PARPBP: variants seen among roughly 807,000 people sequenced by gnomAD.
The protein encoded by PARPBP is PCNA-interacting partner.
In PARPBP, 52 loss-of-function variants were observed where a neutral mutation model predicts 50.0. The observed-to-expected ratio is 1.04, with a 90% confidence interval of 0.83 to 1.31. The LOEUF (loss-of-function observed/expected upper bound fraction) is 1.31. Ranked by LOEUF, PARPBP falls within the 50% of genes most tolerant of loss-of-function variation. The probability of loss-of-function intolerance (pLI) is 0.00; values close to 1 mark genes in which losing one functional copy is unlikely to be tolerated. For synonymous variants in PARPBP, 244 were observed against 232.1 expected, an observed-to-expected ratio of 1.05 and a Z score of -0.47; for missense variants, 697 against 672.0, an observed-to-expected ratio of 1.04 and a Z score of -0.41.
chr12:102,168,004 C>T (rs191012720), intron 6 of PARPBP, among the ~76,000 whole-genome samples: 2 of 152,268 alleles, frequency 1.3e-5, no homozygotes, highest in East Asian at 1.9e-4. Flanking sequence ...TGATGTTCCT[C>T]TTAGCAGTTA....
intron 2 of PARPBP, among the ~76,000 whole-genome samples, chr12:102,134,254 GA>G (rs1883302753): frequency 8.2e-6 from 1 of 122,208 alleles, no homozygotes; most frequent in Non-Finnish European, 1.7e-5. Context: ...AAAAAAAAAA[GA>G]AATGAAAAAG....
At chr12:102,167,234 A>T (rs1322045418) in intron 6 of PARPBP, among the ~76,000 whole-genome samples, 1 of 152,154 alleles carries the variant, frequency 6.6e-6, no homozygotes, top group Non-Finnish European at 1.5e-5. Context: ...TAGCTTTCTC[A>T]GAAAAAGTAA....
rs1886255696 is a variant in PARPBP at position 102,151,887 on chromosome 12, A to G, written c.388-1982A>G. On this transcript the variant is annotated intron_variant, in intron 3 of 10. Transcript: ENST00000327680. ...CTGTCCAAGCTGAGAAGAAGGAACCAGGGACCCAAGGAGCTTCAGTTTAAT... is the reference window on the plus strand; with the variant it reads ...CTGTCCAAGCTGAGAAGAAGGAACCGGGGACCCAAGGAGCTTCAGTTTAAT... 8 of 925,646 alleles carry G rather than the reference A, an allele frequency of 8.6e-6. No homozygotes were observed. In the South Asian group the frequency reaches 1.1e-4, roughly 13 times the overall value. 57.3% of individuals were successfully genotyped at this position (925,646 alleles called of 1,614,324 possible).
At chr12:102,146,449 A>G (rs1885367932) in intron 2 of PARPBP, among the ~76,000 whole-genome samples, 1 of 152,184 alleles carries the variant, frequency 6.6e-6, no homozygotes, top group African/African-American at 2.4e-5. Context: ...CAAACCTGAG[A>G]AAAACAAGCA....
chr12:102,154,939 AACCT>A (rs878987265), intron 4 of PARPBP: 6 of 398,996 alleles, frequency 1.5e-5, no homozygotes, highest in South Asian at 1.1e-4. Context: ...ACATAATAAG[AACCT>A]TGGTCTTCAC....
chr12:102,197,116 A>T lies in PARPBP; in HGVS notation c.*825A>T. 6.2e-7 allele frequency: 1 copy of T among 1,612,332 alleles called. No individual in the cohort carries two copies. Among genetic ancestry groups the T allele is most frequent in the Non-Finnish European group, 8.5e-7 (1 of 1,178,708 alleles). On this transcript the variant is annotated 3_prime_UTR_variant, in exon 11 of 11. Coordinates refer to ENST00000327680, the MANE Select transcript of PARPBP (RefSeq NM_017915.5). ...TCCTTTTAGTGCAAGATAAGGTTTT[A>T]TAGCCAGATTCAGTGGCAGACCATG...
chr12:102,170,905 C>CTTTTTTTTTTTTTTT (rs56390964), intron 6 of PARPBP, among the ~76,000 whole-genome samples: 12 of 113,310 alleles, frequency 1.1e-4, no homozygotes, highest in East Asian at 4.9e-4. Flanking sequence ...TTTAATTTTT[C>CTTTTTTTTTTTTTTT]TTTTTTTTTT....
Position 102,151,527 on chromosome 12 carries a change from T to C in PARPBP, c.388-2342T>C. The C allele has an allele frequency of 2.1e-6, 3 of 1,431,808 alleles. No individual in the cohort carries two copies. In the South Asian group the frequency reaches 3.7e-5, roughly 18 times the overall value. 88.7% of individuals were successfully genotyped at this position (1,431,808 alleles called of 1,614,324 possible). A position where few individuals can be genotyped will look rare whatever the true frequency, so the allele number is the denominator to read the frequency against. On this transcript the variant is annotated intron_variant, in intron 3 of 10. Transcript: ENST00000327680. ...GAATGGGGTCCTTTGGGTGGGTCCC[T>C]GATGCCTGCACACTTTTTAGGACCT... is the stretch of plus-strand genomic sequence containing the variant.
At chr12:102,125,327 A>G (rs922902041) in intron 2 of PARPBP, among the ~76,000 whole-genome samples, 1 of 152,218 alleles carries the variant, frequency 6.6e-6, no homozygotes, top group Admixed American at 6.5e-5. Context: ...TACATAATAA[A>G]CATACAGAAA....
At chr12:102,145,788 GTGTCTTT>G (rs1245971794) in intron 2 of PARPBP, among the ~76,000 whole-genome samples, 1 of 152,144 alleles carries the variant, frequency 6.6e-6, no homozygotes, top group Non-Finnish European at 1.5e-5. Context: ...AAAGAAACCT[GTGTCTTT>G]TTAGCACTTG....
intron 3 of PARPBP, chr12:102,148,915 A>G (rs1424736233): frequency 6.5e-6 from 1 of 153,136 alleles, no homozygotes; most frequent in African/African-American, 2.4e-5. Flanking sequence ...GTATTATGCA[A>G]TATACATGAG....
intron 2 of PARPBP, 69 bp downstream of exon 2, chr12:102,124,110 A>T: frequency 9.6e-7 from 1 of 1,037,124 alleles, no homozygotes; most frequent in Non-Finnish European, 1.4e-6. Context: ...ATTTGAATAA[A>T]CTTAAGCTTA....
At chr12:102,159,645 G>GTAA (rs1887346474) in intron 4 of PARPBP, among the ~76,000 whole-genome samples, 1 of 151,204 alleles carries the variant, frequency 6.6e-6, no homozygotes, top group African/African-American at 2.4e-5. Flanking sequence ...AAATTCTGAA[G>GTAA]TAATGAAGGG....
chr12:102,125,034 G>T (rs1414219239), intron 2 of PARPBP, among the ~76,000 whole-genome samples: 1 of 152,188 alleles, frequency 6.6e-6, no homozygotes, highest in Non-Finnish European at 1.5e-5. Context: ...TTCTACCTGT[G>T]AATAGTTGGC....
chr12:102,163,035 T>C (rs1887763070), intron 4 of PARPBP, among the ~76,000 whole-genome samples: 1 of 152,226 alleles, frequency 6.6e-6, no homozygotes, highest in Non-Finnish European at 1.5e-5. Flanking sequence ...TTATAAAAGG[T>C]GTGAAGTTTA....
chr12:102,129,775 A>T (rs1882566996), intron 2 of PARPBP, among the ~76,000 whole-genome samples: 1 of 152,080 alleles, frequency 6.6e-6, no homozygotes, highest in Admixed American at 6.5e-5. Context: ...GCAATTGTGA[A>T]TGAGGTTGCA....
intron 6 of PARPBP, among the ~76,000 whole-genome samples, chr12:102,173,149 G>A (rs897926060): frequency 6.6e-6 from 1 of 152,188 alleles, no homozygotes; most frequent in African/African-American, 2.4e-5. Context: ...AGTGAAGAAG[G>A]GAAGCCAGCT....
chr12:102,151,779 G>T, intron 3 of PARPBP: 2 of 1,535,570 alleles, frequency 1.3e-6, no homozygotes, highest in Non-Finnish European at 1.7e-6. Flanking sequence ...ACCTGAAGAA[G>T]CTGGCAGCTG....
intron 2 of PARPBP, among the ~76,000 whole-genome samples, chr12:102,142,314 G>A (rs1027276131): frequency 1.3e-5 from 2 of 151,996 alleles, no homozygotes; most frequent in African/African-American, 2.4e-5. Flanking sequence ...CATAGTTCTC[G>A]TGCCATGGTT....
Sources: gnomAD v4.1 joint callset for allele counts (sites outside exome capture counted in the v4.1 genomes callset) on GRCh38, gnomAD v4.1.1 for gene constraint, MANE v1.5 for transcripts, NCBI Gene and HGNC (gene_info 2026-07-23, HGNC 2026-07-21) for gene names.